Variants in UBE2B observed in about 807,000 individuals in gnomAD.
The protein encoded by UBE2B is ubiquitin-conjugating enzyme E2 B.
In UBE2B, 11 loss-of-function variants were observed where a neutral mutation model predicts 24.6. The ratio of observed to expected loss-of-function variants is 0.45; its 90% confidence interval spans 0.28 to 0.74. The LOEUF (loss-of-function observed/expected upper bound fraction) is 0.74, where lower values mean the gene tolerates loss of function less well. UBE2B is among the 30% of genes least tolerant of loss of function. The pLI is 0.13. For missense variants in UBE2B, 78 were observed against 185.6 expected, an observed-to-expected ratio of 0.42 and a Z score of 3.37; for synonymous variants, 68 against 62.4, an observed-to-expected ratio of 1.09 and a Z score of -0.42.
chr5:134,379,419 GCAGATCACCTGAGGTCAGGAGTTCAAGAC>G (rs1057237585), intron 3 of UBE2B, among the ~76,000 whole-genome samples: 1 of 152,050 alleles, frequency 6.6e-6, no homozygotes, highest in Non-Finnish European at 1.5e-5. Flanking sequence ...GCCAAGGTGG[GCAGATCACCTGAGGTCAGGAGTTCAAGAC>G]CAGCCTGGCC....
rs35847901 is a variant in UBE2B at position 134,388,946 on chromosome 5, G to GTT, written c.330+555_330+556dup. ...TTTTTTCTCTCACACTTCTTTAATT[G>GTT]TTTTTTTTTTTTTTTTTTTTTTTGA... is the stretch of plus-strand genomic sequence containing the variant. On this transcript the variant is annotated intron_variant, in intron 5 of 5. Coordinates refer to ENST00000265339, the MANE Select transcript of UBE2B (RefSeq NM_003337.4). The GTT allele has an allele frequency of 7.8e-3, 1,352 of 173,820 alleles. 8 individuals carry two copies. Among genetic ancestry groups the GTT allele is most frequent in the African/African-American group, 0.017 (307 of 17,958 alleles). 10.8% of individuals were successfully genotyped at this position (173,820 alleles called of 1,614,324 possible).
Position 134,390,143 on chromosome 5 carries a change from T to C in UBE2B, c.331-82T>C. 2 of 1,555,140 alleles carry C rather than the reference T, an allele frequency of 1.3e-6. No homozygotes were observed. The highest frequency in any genetic ancestry group is 2.3e-5 in the South Asian group (2 of 88,730). On this transcript the variant is annotated intron_variant, in intron 5 of 5. Coordinates refer to ENST00000265339, the MANE Select transcript of UBE2B (RefSeq NM_003337.4). The surrounding 1 kb of genome is among the most constrained non-coding windows in gnomAD (Gnocchi z 4.6). ...AGTAATTTGTTGTTTTGTATAACTTTTCTGTAATATATTCCATATCTGACC... is the reference window on the plus strand; with the variant it reads ...AGTAATTTGTTGTTTTGTATAACTTCTCTGTAATATATTCCATATCTGACC...
At chr5:134,387,725 C>T (rs1758829938) in intron 4 of UBE2B, among the ~76,000 whole-genome samples, 1 of 152,226 alleles carries the variant, frequency 6.6e-6, no homozygotes, top group South Asian at 2.1e-4. Context: ...GCCCTGAGCA[C>T]TCATGACCTA....
chr5:134,390,790 C>T lies in UBE2B; in HGVS notation c.*437C>T, dbSNP rs1210533988. 5.0e-6 allele frequency: 1 copy of T among 201,782 alleles called. No homozygotes were observed. The highest frequency in any genetic ancestry group is 2.4e-5 in the African/African-American group (1 of 41,848). The allele number at this position is 201,782 out of a possible 1,614,324, so 12.5% of individuals were successfully genotyped here. A position where few individuals can be genotyped will look rare whatever the true frequency, so the allele number is the denominator to read the frequency against. ...ATAACTTCAGTGCAAGAGACTTTGTCACTTATTTCCTTATGTGTGTAGGAG... is the reference window on the plus strand; with the variant it reads ...ATAACTTCAGTGCAAGAGACTTTGTTACTTATTTCCTTATGTGTGTAGGAG... On this transcript the variant is annotated 3_prime_UTR_variant, in exon 6 of 6. Coordinates refer to ENST00000265339, the MANE Select transcript of UBE2B (RefSeq NM_003337.4). This position sits in a 1 kb window ranked among gnomAD's most constrained non-coding sequence, Gnocchi z 4.6.
intron 4 of UBE2B, among the ~76,000 whole-genome samples, chr5:134,381,896 C>A (rs2034881): frequency 0.17 from 25,231 of 152,042 alleles, 2,850 homozygotes; most frequent in African/African-American, 0.32. Context: ...GTGAGCTGAG[C>A]TCACAACACT....
chr5:134,379,728 A>C (rs1758674725), intron 3 of UBE2B, among the ~76,000 whole-genome samples: 1 of 151,872 alleles, frequency 6.6e-6, no homozygotes, highest in Non-Finnish European at 1.5e-5. Flanking sequence ...GATTTTCTTC[A>C]TGTACTTAAA....
chr5:134,371,644 G>C lies in UBE2B; in HGVS notation c.44+5G>C. The C allele has an allele frequency of 6.2e-7, 1 of 1,613,414 alleles. No individual in the cohort carries two copies. Among genetic ancestry groups the C allele is most frequent in the Non-Finnish European group, 8.5e-7 (1 of 1,179,876 alleles). ...GCTCATGCGGGATTTCAAGCGGTAA[G>C]GGCCTTCACCTTCGCCTAGATGACG... is the stretch of plus-strand genomic sequence containing the variant. On this transcript the variant is annotated splice_donor_5th_base_variant and intron_variant, in intron 1 of 5. Transcript: ENST00000265339.
At chr5:134,372,919 A>G (rs1758508811) in intron 1 of UBE2B, among the ~76,000 whole-genome samples, 1 of 152,248 alleles carries the variant, frequency 6.6e-6, no homozygotes, top group African/African-American at 2.4e-5. Flanking sequence ...TCATCTTTCT[A>G]AAGCTTGAAA....
chr5:134,390,417 G>T lies in UBE2B; in HGVS notation c.*64G>T. ...GTATAATTTACCTCTCATTAGAAAG[G>T]CTAACAAATTTTAAGTGCCACAGGT... On this transcript the variant is annotated 3_prime_UTR_variant, in exon 6 of 6. Coordinates refer to ENST00000265339, the MANE Select transcript of UBE2B (RefSeq NM_003337.4). This position sits in a 1 kb window ranked among gnomAD's most constrained non-coding sequence, Gnocchi z 4.6. 1.2e-6 allele frequency: 2 copies of T among 1,603,672 alleles called. No homozygotes were observed. Among genetic ancestry groups the T allele is most frequent in the Non-Finnish European group, 1.7e-6 (2 of 1,173,356 alleles).
chr5:134,386,092 C>A (rs1371266747), intron 4 of UBE2B, among the ~76,000 whole-genome samples: 1 of 151,414 alleles, frequency 6.6e-6, no homozygotes, highest in African/African-American at 2.4e-5. Context: ...TTTGGGAGAC[C>A]GAGGTGGGCA....
chr5:134,384,534 A>C (rs1184327093), intron 4 of UBE2B, among the ~76,000 whole-genome samples: 2 of 152,200 alleles, frequency 1.3e-5, no homozygotes, highest in Admixed American at 6.5e-5. Context: ...AAGACTGTAG[A>C]ATGAGTAAGG....
rs368716326 is a variant in UBE2B, at chr5:134,373,889, G to C, written c.45-494G>C. ...TTTCTTAGGCTAGTCTATCATTGTT[G>C]GACATTTGGGTTGGTTCCAAGTCTT... On this transcript the variant is annotated intron_variant, in intron 1 of 5. Coordinates refer to ENST00000265339, the MANE Select transcript of UBE2B (RefSeq NM_003337.4). 3.3e-5 allele frequency among the ~76,000 whole-genome samples: 5 copies of C among 152,136 alleles called. 1 individual carries two copies. The East Asian group carries it at 9.6e-4, about 29-fold the overall frequency.
chr5:134,373,143 G>A (rs1448685504), intron 1 of UBE2B, among the ~76,000 whole-genome samples: 2 of 152,164 alleles, frequency 1.3e-5, no homozygotes, highest in Non-Finnish European at 2.9e-5. Flanking sequence ...GGTGGATTTG[G>A]TGTTAGTGCA....
intron 3 of UBE2B, among the ~76,000 whole-genome samples, chr5:134,378,858 G>A (rs1244504496): frequency 1.3e-5 from 2 of 151,500 alleles, no homozygotes; most frequent in Admixed American, 6.6e-5. Context: ...GAACCTGGGA[G>A]GCAGAGGTTG....
At chr5:134,372,758 T>C (rs983473247) in intron 1 of UBE2B, among the ~76,000 whole-genome samples, 1 of 152,212 alleles carries the variant, frequency 6.6e-6, no homozygotes, top group Admixed American at 6.5e-5. Context: ...TTGCTTGAGA[T>C]TGACTAAAAA....
At chr5:134,388,951 T>G (rs1171789107) in intron 5 of UBE2B, 5 of 315,472 alleles carry the variant, frequency 1.6e-5, no homozygotes, top group South Asian at 2.6e-5. Flanking sequence ...TAATTGTTTT[T>G]TTTTTTTTTT....
chr5:134,385,378 G>A (rs1354135359), intron 4 of UBE2B, among the ~76,000 whole-genome samples: 1 of 152,166 alleles, frequency 6.6e-6, no homozygotes, highest in African/African-American at 2.4e-5. Context: ...AAGGAAAAGG[G>A]CTTAGGATAG....
At chr5:134,371,721 T>C in intron 1 of UBE2B, 82 bp downstream of exon 1, 1 of 1,588,640 alleles carries the variant, frequency 6.3e-7, no homozygotes, top group Non-Finnish European at 8.6e-7. Flanking sequence ...ACCTTCCCCT[T>C]TGTGACCCTC....
In UBE2B at chr5:134,387,573, G is replaced by A. The variant is rs114295500; in HGVS notation, c.242-752G>A. Among the ~76,000 whole-genome samples the A allele has an allele frequency of 7.3e-3, 1,108 of 152,276 alleles. 10 individuals carry two copies. Among genetic ancestry groups the A allele is most frequent in the Admixed American group, 0.012 (181 of 15,298 alleles). On this transcript the variant is annotated intron_variant, in intron 4 of 5. Coordinates refer to ENST00000265339, the MANE Select transcript of UBE2B (RefSeq NM_003337.4). ...TGTTTGGCTCATGGTTCTGGAGACT[G>A]GGCAGTCCAAGAGCATGGCGCCAGC...
Sources: allele counts gnomAD v4.1 joint callset (sites outside exome capture counted in the v4.1 genomes callset), GRCh38; gene constraint gnomAD v4.1.1; non-coding constraint Gnocchi (gnomAD v3.1); transcripts MANE v1.5; gene names NCBI Gene and HGNC (gene_info 2026-07-23, HGNC 2026-07-21).